HDAC4: variants seen among roughly 807,000 people sequenced by gnomAD.
HDAC4 encodes histone deacetylase 4.
HDAC4 carries 16 observed loss-of-function variants against 135.1 expected under a neutral mutation model. That is an observed-to-expected ratio of 0.12 (90% CI 0.08 to 0.18). The LOEUF is 0.18. HDAC4 is among the 10% of genes least tolerant of loss of function. The pLI is 1.00. For synonymous variants in HDAC4, 685 were observed against 653.4 expected, an observed-to-expected ratio of 1.05 and a Z score of -0.74; for missense variants, 1,143 against 1,511.8, an observed-to-expected ratio of 0.76 and a Z score of 4.05.
intron 2 of HDAC4, among the ~76,000 whole-genome samples, chr2:239,246,442 G>A (rs374280050): frequency 1.4e-3 from 220 of 152,338 alleles, no homozygotes; most frequent in Middle Eastern, 6.8e-3. Flanking sequence ...GGGGCTGCCC[G>A]GGGGCTGAAT....
chr2:239,334,578 C>G (rs895297879), intron 2 of HDAC4, among the ~76,000 whole-genome samples: 1 of 151,480 alleles, frequency 6.6e-6, no homozygotes. Flanking sequence ...AAAATATGAT[C>G]GAAAGAAATT....
intron 3 of HDAC4, among the ~76,000 whole-genome samples, chr2:239,197,847 T>TGTGTGTGTGTGTGTG: frequency 7.1e-6 from 1 of 140,216 alleles, no homozygotes. Flanking sequence ...CACTAAAAGT[T>TGTGTGTGTGTGTGTG]TGTGTGTGTG....
chr2:239,323,530 A>G (rs1056473810), intron 2 of HDAC4, among the ~76,000 whole-genome samples: 6 of 152,214 alleles, frequency 3.9e-5, no homozygotes, highest in Non-Finnish European at 8.8e-5. Flanking sequence ...AATGGGGCAG[A>G]TCCTCGGAGA....
rs971590200 is a variant in HDAC4, at chr2:239,400,263, G to A, written c.-220+715C>T. 4.0e-5 allele frequency: 6 copies of A among 151,186 alleles called. No individual in the cohort carries two copies. The highest frequency in any genetic ancestry group is 7.3e-5 in the African/African-American group (3 of 41,282). 9.4% of individuals were successfully genotyped at this position (151,186 alleles called of 1,614,324 possible). On this transcript the variant is annotated intron_variant, in intron 1 of 26. Coordinates refer to ENST00000543185, the MANE Select transcript of HDAC4 (RefSeq NM_001378414.1). This position sits in a 1 kb window ranked among gnomAD's most constrained non-coding sequence, Gnocchi z 4.7. ...GACAAGCGCGGGGCCGCGGACCCCC[G>A]GCAGGGACGTTTTTCTGCAAACTCA...
chr2:239,116,088 A>G (rs1268764217), intron 12 of HDAC4, among the ~76,000 whole-genome samples: 1 of 152,018 alleles, frequency 6.6e-6, no homozygotes, highest in East Asian at 1.9e-4. Context: ...CCGGCCTCTC[A>G]GTGCGGAACA....
At chr2:239,369,492 C>T (rs1694454972) in intron 1 of HDAC4, among the ~76,000 whole-genome samples, 2 of 152,166 alleles carry the variant, frequency 1.3e-5, no homozygotes, top group African/African-American at 2.4e-5. Flanking sequence ...CGTTAAACTC[C>T]TACTTTCTAA....
chr2:239,296,796 G>A (rs2051922645), intron 2 of HDAC4, among the ~76,000 whole-genome samples: 1 of 152,152 alleles, frequency 6.6e-6, no homozygotes, highest in Non-Finnish European at 1.5e-5. Flanking sequence ...CCGCCCGGGA[G>A]ATTCTTCGGG....
intron 4 of HDAC4, among the ~76,000 whole-genome samples, chr2:239,189,623 G>A (rs751704675): frequency 2.6e-5 from 4 of 152,302 alleles, no homozygotes; most frequent in East Asian, 3.9e-4. Flanking sequence ...TTGGACCGCC[G>A]TTCCCACTCA....
At chr2:239,311,370 C>T (rs1450742554) in intron 2 of HDAC4, among the ~76,000 whole-genome samples, 2 of 152,220 alleles carry the variant, frequency 1.3e-5, no homozygotes, top group Admixed American at 1.3e-4. Context: ...GACTGGGTAG[C>T]ATTTGTCAAG....
At chr2:239,398,559 C>T (rs1280429736) in intron 1 of HDAC4, among the ~76,000 whole-genome samples, 2 of 152,248 alleles carry the variant, frequency 1.3e-5, no homozygotes, top group African/African-American at 4.8e-5. Flanking sequence ...TTCTTCTCAA[C>T]GAGGTCTCTG....
intron 2 of HDAC4, among the ~76,000 whole-genome samples, chr2:239,254,396 G>A (rs2048945012): frequency 1.3e-5 from 2 of 149,982 alleles, no homozygotes. Flanking sequence ...AAAACAATGT[G>A]GAAAAGACAA....
intron 1 of HDAC4, among the ~76,000 whole-genome samples, chr2:239,375,920 C>A (rs538651859): frequency 6.6e-6 from 1 of 152,338 alleles, no homozygotes; most frequent in African/African-American, 2.4e-5. Context: ...GTCACCCCAC[C>A]CGACTGCGAG....
chr2:239,055,074 GAAGA>G, intron 24 of HDAC4: 2 of 442,264 alleles, frequency 4.5e-6, no homozygotes, highest in Non-Finnish European at 8.4e-6. Context: ...CAAGTAGCAG[GAAGA>G]AAGACAGTCC....
intron 3 of HDAC4, among the ~76,000 whole-genome samples, chr2:239,227,472 C>A (rs1243329676): frequency 1.3e-5 from 2 of 152,280 alleles, no homozygotes; most frequent in East Asian, 3.9e-4. Flanking sequence ...CCCTGCATGC[C>A]CCTGCAGGTC....
intron 1 of HDAC4, among the ~76,000 whole-genome samples, chr2:239,384,121 G>A (rs925048246): frequency 6.6e-6 from 1 of 152,200 alleles, no homozygotes; most frequent in African/African-American, 2.4e-5. Flanking sequence ...AAAACCCAGG[G>A]GGACCTGGCT....
intron 2 of HDAC4, among the ~76,000 whole-genome samples, chr2:239,255,884 C>A (rs2049026228): frequency 6.6e-6 from 1 of 152,210 alleles, no homozygotes; most frequent in Non-Finnish European, 1.5e-5. Flanking sequence ...GAAACAGCTA[C>A]ACACTTGGGC....
chr2:239,178,630 C>T (rs753664669), intron 4 of HDAC4, among the ~76,000 whole-genome samples: 9 of 152,332 alleles, frequency 5.9e-5, no homozygotes, highest in African/African-American at 2.2e-4. Context: ...GTGATCCTCC[C>T]GCCTTAGCTT....
intron 4 of HDAC4, among the ~76,000 whole-genome samples, chr2:239,189,537 T>C (rs558692072): frequency 1.3e-5 from 2 of 152,370 alleles, no homozygotes; most frequent in East Asian, 3.9e-4. Context: ...GTAGCTTTTC[T>C]ATTTCTGAGC....
At chr2:239,231,396 T>C (rs948749654) in intron 3 of HDAC4, among the ~76,000 whole-genome samples, 3 of 152,120 alleles carry the variant, frequency 2.0e-5, no homozygotes, top group Admixed American at 2.0e-4. Context: ...CCCTGTAATG[T>C]ATATGCTGAG....
Sources: allele counts gnomAD v4.1 joint callset (sites outside exome capture counted in the v4.1 genomes callset), GRCh38; gene constraint gnomAD v4.1.1; non-coding constraint Gnocchi (gnomAD v3.1); transcripts MANE v1.5; gene names NCBI Gene and HGNC (gene_info 2026-07-23, HGNC 2026-07-21).